Variants in UGT1A8 observed in about 807,000 individuals in gnomAD.
The protein encoded by UGT1A8 is UDP glucuronosyltransferase family 1 member A8.
Under a neutral mutation model 45.3 loss-of-function variants are expected in UGT1A8, and 39 were observed. The observed-to-expected ratio is 0.86, with a 90% confidence interval of 0.67 to 1.12. UGT1A8 has a LOEUF of 1.12. Ranked by LOEUF, UGT1A8 falls within the 50% of genes most tolerant of loss-of-function variation. The pLI is 0.00. For missense variants in UGT1A8, 719 were observed against 664.9 expected, an observed-to-expected ratio of 1.08 and a Z score of -0.90; for synonymous variants, 275 against 249.2, an observed-to-expected ratio of 1.10 and a Z score of -0.97.
intron 1 of UGT1A8, chr2:233,690,660 A>G (rs1050957409): frequency 2.3e-5 from 30 of 1,280,332 alleles, no homozygotes; most frequent in Non-Finnish European, 2.8e-5. Flanking sequence ...TACAGCACCA[A>G]CCAGGGCAGG....
At chr2:233,704,256 C>CTT (rs59925871) in intron 1 of UGT1A8, among the ~76,000 whole-genome samples, 8,556 of 123,528 alleles carry the variant, frequency 0.069, 479 homozygotes, top group African/African-American at 0.11. Context: ...GCCTTTATTG[C>CTT]TTTTTTTTTT....
intron 1 of UGT1A8, chr2:233,693,055 C>A: frequency 6.2e-7 from 1 of 1,614,174 alleles, no homozygotes; most frequent in South Asian, 1.1e-5. Context: ...GGGTTTTCTT[C>A]TTAGCACTTT....
chr2:233,762,669 A>T (rs1575790989), intron 1 of UGT1A8, among the ~76,000 whole-genome samples: 1 of 150,304 alleles, frequency 6.7e-6, no homozygotes, highest in Non-Finnish European at 1.5e-5. Flanking sequence ...TTTAAAAAAC[A>T]TTTGTTCTGT....
chr2:233,748,145 T>A, intron 1 of UGT1A8: 1 of 1,605,604 alleles, frequency 6.2e-7, no homozygotes, highest in Non-Finnish European at 8.5e-7. Flanking sequence ...TTGTATTTAC[T>A]TACAATTGCT....
At chr2:233,718,944 C>A (rs553189135) in intron 1 of UGT1A8, 3 of 1,614,178 alleles carry the variant, frequency 1.9e-6, no homozygotes, top group East Asian at 2.2e-5. Context: ...CAGCCCCTGG[C>A]TCAGCATGCG....
chr2:233,648,439 T>TA, intron 1 of UGT1A8: 2 of 153,366 alleles, frequency 1.3e-5, no homozygotes, highest in East Asian at 1.8e-4. Context: ...TGCTGTGACT[T>TA]TTTATTATTA....
intron 1 of UGT1A8, chr2:233,713,093 G>A (rs755118222): frequency 8.1e-6 from 13 of 1,614,096 alleles, no homozygotes; most frequent in Middle Eastern, 1.6e-4. Context: ...TGCTGGTGGT[G>A]CCCACTGATG....
intron 1 of UGT1A8, among the ~76,000 whole-genome samples, chr2:233,748,826 G>A (rs1470872637): frequency 1.3e-5 from 2 of 151,398 alleles, no homozygotes; most frequent in African/African-American, 4.9e-5. Context: ...AGGGTCTAGG[G>A]AGGAGATAAA....
chr2:233,652,797 T>C (rs1308786000), intron 1 of UGT1A8, among the ~76,000 whole-genome samples: 1 of 152,162 alleles, frequency 6.6e-6, no homozygotes, highest in Non-Finnish European at 1.5e-5. Flanking sequence ...CACCCTTATA[T>C]GCAAAAACTA....
chr2:233,724,687 C>A (rs1436694344), intron 1 of UGT1A8, among the ~76,000 whole-genome samples: 2 of 144,326 alleles, frequency 1.4e-5, no homozygotes, highest in African/African-American at 2.6e-5. Context: ...GGATGGCGGC[C>A]GGGTGAAGAC....
chr2:233,740,862 C>G (rs1413429391), intron 1 of UGT1A8: 1 of 151,810 alleles, frequency 6.6e-6, no homozygotes, highest in African/African-American at 2.4e-5. Flanking sequence ...TCTAAAAATT[C>G]TTTAAATAAA....
At chr2:233,729,066 A>G (rs1283687503) in intron 1 of UGT1A8, 3 of 1,611,112 alleles carry the variant, frequency 1.9e-6, no homozygotes, top group Non-Finnish European at 2.5e-6. Context: ...TAAGATGAAG[A>G]AAGCAAATGT....
At chr2:233,620,023 C>T (rs1017880136) in intron 1 of UGT1A8, among the ~76,000 whole-genome samples, 1 of 152,092 alleles carries the variant, frequency 6.6e-6, no homozygotes, top group Non-Finnish European at 1.5e-5. Context: ...CCTGGTGTCT[C>T]ATCTCATTAT....
chr2:233,760,521 G>T, intron 1 of UGT1A8: 1 of 1,614,238 alleles, frequency 6.2e-7, no homozygotes, highest in South Asian at 1.1e-5. Context: ...CCTTGAAGAC[G>T]TACCCTGTGC....
intron 1 of UGT1A8, among the ~76,000 whole-genome samples, chr2:233,650,670 G>T (rs2073716152): frequency 6.6e-6 from 1 of 151,990 alleles, no homozygotes; most frequent in African/African-American, 2.4e-5. Context: ...TCATATCTCA[G>T]CATAAATTTT....
rs540228891 is a variant in UGT1A8, at chr2:233,644,360, G to A, written c.855+25798G>A. Among the ~76,000 whole-genome samples the A allele has an allele frequency of 5.9e-5, 9 of 152,282 alleles. 1 individual carries two copies. The South Asian group carries it at 1.9e-3, about 32-fold the overall frequency. ...AGGTGGGTGGATCACTTGAGGCCAG[G>A]AGTTTGAGACCAGCCTGGCCAACAT... On this transcript the variant is annotated intron_variant, in intron 1 of 4. Transcript: ENST00000373450.
intron 1 of UGT1A8, chr2:233,636,425 G>A (rs1461238909): frequency 4.7e-6 from 7 of 1,488,430 alleles, no homozygotes; most frequent in South Asian, 2.8e-5. Context: ...ATAAATACAC[G>A]CCCTCTATTG....
chr2:233,644,385 T>C (rs989421883), intron 1 of UGT1A8, among the ~76,000 whole-genome samples: 1 of 152,050 alleles, frequency 6.6e-6, no homozygotes, highest in Non-Finnish European at 1.5e-5. Flanking sequence ...CTGGCCAACA[T>C]GGCGAAACCC....
chr2:233,663,219 CAG>C (rs1461844993), intron 1 of UGT1A8, among the ~76,000 whole-genome samples: 3 of 152,158 alleles, frequency 2.0e-5, no homozygotes, highest in African/African-American at 7.2e-5. Flanking sequence ...TATAACAAGA[CAG>C]GGGAATTGCA....
Sources: gnomAD v4.1 joint callset for allele counts (sites outside exome capture counted in the v4.1 genomes callset) on GRCh38, gnomAD v4.1.1 for gene constraint, MANE v1.5 for transcripts, NCBI Gene and HGNC (gene_info 2026-07-23, HGNC 2026-07-21) for gene names.